ACTR3B: variants seen among roughly 807,000 people sequenced by gnomAD.
ACTR3B encodes the protein actin-related protein 3B.
ACTR3B carries 8 observed loss-of-function variants against 59.0 expected under a neutral mutation model. The ratio of observed to expected loss-of-function variants is 0.14; its 90% CI spans 0.08 to 0.24. ACTR3B has a LOEUF of 0.24. Among genes scored for constraint, ACTR3B ranks in the 10% least tolerant of loss-of-function variants. ACTR3B has a pLI of 1.00. For synonymous variants in ACTR3B, 148 were observed against 197.9 expected (o/e 0.75, Z 2.12); for missense variants, 245 against 552.3 (o/e 0.44, Z 5.58).
intron 2 of ACTR3B, 54 bp from the exon 3 acceptor site, chr7:152,800,477 A>G: frequency 6.3e-7 from 1 of 1,590,722 alleles, no homozygotes; most frequent in Non-Finnish European, 8.6e-7. Flanking sequence ...CCTTTTGATC[A>G]TTTAAATAGA....
At chr7:152,817,790 T>G (rs1795825052) in intron 6 of ACTR3B, among the ~76,000 whole-genome samples, 1 of 152,242 alleles carries the variant, frequency 6.6e-6, no homozygotes, top group African/African-American at 2.4e-5. Flanking sequence ...TCATTTAATT[T>G]AATTGAAAAA....
intron 9 of ACTR3B, among the ~76,000 whole-genome samples, chr7:152,829,487 C>T (rs1379709217): frequency 6.6e-6 from 1 of 152,174 alleles, no homozygotes; most frequent in Non-Finnish European, 1.5e-5. Flanking sequence ...TTTTTATTTC[C>T]GTCTGACGTG....
chr7:152,802,842 G>C (rs988128956), intron 4 of ACTR3B, among the ~76,000 whole-genome samples: 1 of 152,046 alleles, frequency 6.6e-6, no homozygotes, highest in African/African-American at 2.4e-5. Flanking sequence ...TAACTATAAG[G>C]CTAATAGTTA....
intron 1 of ACTR3B, among the ~76,000 whole-genome samples, chr7:152,773,528 A>G (rs2098129199): frequency 6.6e-6 from 1 of 152,124 alleles, no homozygotes; most frequent in Non-Finnish European, 1.5e-5. Flanking sequence ...TGGCAGTTGC[A>G]GGGAGTGGAG....
intron 1 of ACTR3B, among the ~76,000 whole-genome samples, chr7:152,769,072 C>T (rs1262524415): frequency 7.9e-5 from 12 of 151,846 alleles, no homozygotes; most frequent in Admixed American, 1.3e-4. Context: ...AGGCTGGTCT[C>T]GAACTCCTGA....
At chr7:152,777,482 A>G (rs2098138966) in intron 1 of ACTR3B, among the ~76,000 whole-genome samples, 1 of 152,114 alleles carries the variant, frequency 6.6e-6, no homozygotes, top group African/African-American at 2.4e-5. Context: ...GTAACATTCT[A>G]TTGCTGTTGC....
At chr7:152,806,168 T>G (rs1693607729) in intron 4 of ACTR3B, among the ~76,000 whole-genome samples, 2 of 152,204 alleles carry the variant, frequency 1.3e-5, no homozygotes, top group Admixed American at 1.3e-4. Flanking sequence ...TTAGATCTTG[T>G]TATAAATAAT....
At chr7:152,828,638 C>G (rs1386326882) in intron 9 of ACTR3B, among the ~76,000 whole-genome samples, 1 of 152,254 alleles carries the variant, frequency 6.6e-6, no homozygotes, top group Admixed American at 6.5e-5. Flanking sequence ...TCACCTTTCT[C>G]TGGACGGCCG....
chr7:152,846,301 G>GC (rs2116986639), intron 9 of ACTR3B, among the ~76,000 whole-genome samples: 2 of 148,032 alleles, frequency 1.4e-5, no homozygotes, highest in Non-Finnish European at 3.0e-5. Flanking sequence ...GAGCTCTAGT[G>GC]CCTGGGCTGC....
At chr7:152,777,734 T>C (rs1270245650) in intron 1 of ACTR3B, among the ~76,000 whole-genome samples, 1 of 152,168 alleles carries the variant, frequency 6.6e-6, no homozygotes, top group Non-Finnish European at 1.5e-5. Flanking sequence ...GTGGATCGCC[T>C]GAGGCCAGGA....
intron 9 of ACTR3B, among the ~76,000 whole-genome samples, chr7:152,848,396 CT>C (rs1426232640): frequency 9.9e-5 from 15 of 152,208 alleles, no homozygotes; most frequent in African/African-American, 3.1e-4. Context: ...CTGGAGGAAT[CT>C]TAGCCTGGAA....
intron 9 of ACTR3B, among the ~76,000 whole-genome samples, chr7:152,841,604 T>C (rs1442559284): frequency 1.3e-5 from 2 of 152,346 alleles, no homozygotes; most frequent in African/African-American, 4.8e-5. Flanking sequence ...ATAGTGCATA[T>C]TGTTTTCCTG....
chr7:152,762,486 T>G (rs1159023829), intron 1 of ACTR3B, among the ~76,000 whole-genome samples: 1 of 152,234 alleles, frequency 6.6e-6, no homozygotes, highest in Non-Finnish European at 1.5e-5. Context: ...TACATATTAT[T>G]ATTACTTTCC....
rs185513514 is a variant in ACTR3B, at chr7:152,821,161, G to A, written c.684+719G>A. 7.0e-3 allele frequency among the ~76,000 whole-genome samples: 1,064 copies of A among 152,092 alleles called. 2 individuals carry two copies. Among genetic ancestry groups the A allele is most frequent in the African/African-American group, 0.025 (1,017 of 41,360 alleles). Reference sequence around the variant, plus strand: ...GCTGAAATGGTGATGTGGGGAAGACGTGGTCCCTTCCATCTCAGGGGAAGG... The same window carrying A: ...GCTGAAATGGTGATGTGGGGAAGACATGGTCCCTTCCATCTCAGGGGAAGG... On this transcript the variant is annotated intron_variant, in intron 7 of 11. Coordinates refer to ENST00000256001, the MANE Select transcript of ACTR3B (RefSeq NM_020445.6).
intron 1 of ACTR3B, among the ~76,000 whole-genome samples, chr7:152,763,187 G>A (rs1424231932): frequency 4.6e-5 from 7 of 151,438 alleles, no homozygotes; most frequent in African/African-American, 1.5e-4. Flanking sequence ...GTGGTGGTGC[G>A]TGCCTGTAGT....
chr7:152,804,160 T>C (rs2098245118), intron 4 of ACTR3B, among the ~76,000 whole-genome samples: 2 of 152,208 alleles, frequency 1.3e-5, no homozygotes, highest in South Asian at 4.2e-4. Flanking sequence ...CAGCTTACAC[T>C]GGTTATGTGG....
intron 2 of ACTR3B, among the ~76,000 whole-genome samples, chr7:152,795,414 A>G (rs1391210858): frequency 2.0e-5 from 3 of 152,220 alleles, no homozygotes; most frequent in African/African-American, 7.2e-5. Context: ...CAGATAATCT[A>G]CTTTTAGAAA....
At chr7:152,809,099 G>T (rs553235041) in intron 4 of ACTR3B, among the ~76,000 whole-genome samples, 1 of 151,400 alleles carries the variant, frequency 6.6e-6, no homozygotes, top group Non-Finnish European at 1.5e-5. Context: ...CCGAGTAGGC[G>T]CATTGAAATA....
intron 1 of ACTR3B, among the ~76,000 whole-genome samples, chr7:152,770,193 CAAA>C (rs2098120658): frequency 6.6e-6 from 1 of 151,780 alleles, no homozygotes; most frequent in Non-Finnish European, 1.5e-5. Context: ...CAAAACTAAC[CAAA>C]AATAGAGAAG....
Sources: allele counts gnomAD v4.1 joint callset (sites outside exome capture counted in the v4.1 genomes callset), GRCh38; gene constraint gnomAD v4.1.1; transcripts MANE v1.5; gene names NCBI Gene and HGNC (gene_info 2026-07-23, HGNC 2026-07-21).